Variants in SORCS1 observed in about 807,000 individuals in gnomAD.
SORCS1 encodes sortilin related VPS10 domain containing receptor 1, also known as VPS10 domain-containing receptor SorCS1.
In SORCS1, 60 loss-of-function variants were observed where a neutral mutation model predicts 146.1. The observed-to-expected ratio is 0.41, with a 90% CI of 0.33 to 0.51. The LOEUF is 0.51. SORCS1 is among the 20% of genes least tolerant of loss of function. SORCS1 has a pLI of 0.21. For missense variants in SORCS1, 1,352 were observed against 1,487.6 expected, an observed-to-expected ratio of 0.91 and a Z score of 1.50; for synonymous variants, 637 against 584.0, an observed-to-expected ratio of 1.09 and a Z score of -1.31.
At chr10:107,173,224 C>A in the SORCS1 span, among the ~76,000 whole-genome samples, 2 of 152,088 alleles carry the variant, frequency 1.3e-5, no homozygotes, top group Admixed American at 6.6e-5. Flanking sequence ...TCTAGCAGTG[C>A]AGGGGGTGTT....
At chr10:107,105,598 G>A (rs962475912) in intron 1 of SORCS1, among the ~76,000 whole-genome samples, 1 of 152,182 alleles carries the variant, frequency 6.6e-6, no homozygotes, top group African/African-American at 2.4e-5. Context: ...TCTGATGTTC[G>A]AGGGCAGGAT....
intron 23 of SORCS1, 79 bp downstream of exon 23, chr10:106,607,087 G>A: frequency 1.3e-6 from 2 of 1,558,864 alleles, no homozygotes; most frequent in Middle Eastern, 1.7e-4. Flanking sequence ...CAGTTTATGG[G>A]TCAGAAATGG....
intron 1 of SORCS1, among the ~76,000 whole-genome samples, chr10:107,148,600 A>ATTATGTCT (rs1313077164): frequency 3.9e-5 from 6 of 152,204 alleles, no homozygotes; most frequent in Non-Finnish European, 7.3e-5. Context: ...CAAAAGATAA[A>ATTATGTCT]TTATGTCTTT....
At chr10:106,627,095 T>C (rs1467635240) in intron 19 of SORCS1, among the ~76,000 whole-genome samples, 1 of 152,150 alleles carries the variant, frequency 6.6e-6, no homozygotes, top group African/African-American at 2.4e-5. Context: ...GCAGAGACAA[T>C]CTCTGTGTGT....
intron 1 of SORCS1, among the ~76,000 whole-genome samples, chr10:106,980,155 C>T (rs145712791): frequency 6.6e-6 from 1 of 152,198 alleles, no homozygotes; most frequent in East Asian, 1.9e-4. Context: ...ATGCCCTGAA[C>T]CAAGAAGGAA....
intron 23 of SORCS1, chr10:106,600,829 CT>C (rs1410747247): frequency 2.0e-6 from 1 of 502,524 alleles, no homozygotes; most frequent in Non-Finnish European, 2.6e-6. Context: ...AAATATTTTC[CT>C]TGAACAAGCT....
chr10:106,970,795 A>G (rs983341435), intron 1 of SORCS1, among the ~76,000 whole-genome samples: 4 of 150,910 alleles, frequency 2.7e-5, no homozygotes, highest in Admixed American at 1.3e-4. Flanking sequence ...CTGGAGTGCA[A>G]TGGCGTGACC....
chr10:107,050,710 G>C (rs1960020198), intron 1 of SORCS1, among the ~76,000 whole-genome samples: 1 of 152,156 alleles, frequency 6.6e-6, no homozygotes, highest in African/African-American at 2.4e-5. Context: ...CATTCTTACA[G>C]CACAGAGGAA....
At chr10:106,612,956 G>A (rs1028317270) in intron 21 of SORCS1, among the ~76,000 whole-genome samples, 2 of 151,992 alleles carry the variant, frequency 1.3e-5, no homozygotes, top group Admixed American at 1.3e-4. Flanking sequence ...AGCTCTAGTT[G>A]AAGCACTCCC....
intron 3 of SORCS1, among the ~76,000 whole-genome samples, chr10:106,824,293 CAA>C (rs71025559): frequency 3.5e-4 from 37 of 104,652 alleles, no homozygotes; most frequent in South Asian, 3.4e-4. Flanking sequence ...GACTCTATCT[CAA>C]AAAAAAAAAA....
At chr10:106,775,967 C>A (rs1229020266) in intron 4 of SORCS1, among the ~76,000 whole-genome samples, 1 of 152,102 alleles carries the variant, frequency 6.6e-6, no homozygotes, top group Admixed American at 6.5e-5. Context: ...CAGCTAATAC[C>A]ATGAGCTCAT....
At chr10:106,899,590 G>GTTTTT (rs1951619758) in intron 2 of SORCS1, among the ~76,000 whole-genome samples, 1 of 132,778 alleles carries the variant, frequency 7.5e-6, no homozygotes. Flanking sequence ...TGCCACCAGG[G>GTTTTT]CTTTTTTTTT....
chr10:107,093,814 C>T (rs573609357), intron 1 of SORCS1, among the ~76,000 whole-genome samples: 2 of 152,280 alleles, frequency 1.3e-5, no homozygotes, highest in Admixed American at 1.3e-4. Flanking sequence ...CATGATCTCT[C>T]TGGCCTCATC....
chr10:106,963,052 A>G (rs1276002393), intron 1 of SORCS1, among the ~76,000 whole-genome samples: 1 of 151,384 alleles, frequency 6.6e-6, no homozygotes, highest in East Asian at 1.9e-4. Context: ...ATTTGGAATA[A>G]TCTTTCATGA....
At chr10:107,133,279 A>C (rs1379842124) in intron 1 of SORCS1, among the ~76,000 whole-genome samples, 1 of 152,170 alleles carries the variant, frequency 6.6e-6, no homozygotes, top group African/African-American at 2.4e-5. Flanking sequence ...CAGTCCTCAG[A>C]AGAACAGGAT....
intron 17 of SORCS1, among the ~76,000 whole-genome samples, chr10:106,653,685 A>ATAC (rs1415528130): frequency 2.0e-5 from 3 of 152,178 alleles, no homozygotes; most frequent in African/African-American, 4.8e-5. Context: ...GTCAAAGGAG[A>ATAC]TACTGTCTGG....
At chr10:106,674,205 T>G (rs1440812726) in intron 14 of SORCS1, among the ~76,000 whole-genome samples, 1 of 149,850 alleles carries the variant, frequency 6.7e-6, no homozygotes, top group Non-Finnish European at 1.5e-5. Context: ...GGCAGGCACC[T>G]GTAGTCCTAG....
In SORCS1 at chr10:107,051,861, T is replaced by G. The variant is rs574476209; in HGVS notation, c.559-95281A>C. 3.3e-5 allele frequency among the ~76,000 whole-genome samples: 5 copies of G among 152,266 alleles called. No homozygotes were observed. In the South Asian group the frequency reaches 1.0e-3, roughly 32 times the overall value. On this transcript the variant is annotated intron_variant, in intron 1 of 25. Transcript: ENST00000263054. ...CAACTTTTTAGATGCTAATCCTACC[T>G]TGCCAATATCCTCTTCCTGACTTAA...
intron 1 of SORCS1, among the ~76,000 whole-genome samples, chr10:107,148,899 C>A (rs1968546473): frequency 6.6e-6 from 1 of 152,148 alleles, no homozygotes; most frequent in Admixed American, 6.5e-5. Context: ...AAAGCTCTTT[C>A]TTACCTAATT....
Sources: allele counts gnomAD v4.1 joint callset (sites outside exome capture counted in the v4.1 genomes callset), GRCh38; gene constraint gnomAD v4.1.1; transcripts MANE v1.5; gene names NCBI Gene and HGNC (gene_info 2026-07-23, HGNC 2026-07-21).